The following DNAAF4 variants were observed in gnomAD, a reference collection of about 807,000 sequenced individuals.
The protein encoded by DNAAF4 is dynein axonemal assembly factor 4, also known as dynein assembly factor 4, axonemal.
A neutral mutation model predicts 51.8 loss-of-function variants in DNAAF4; 43 were observed. That is an observed-to-expected ratio of 0.83 (90% CI 0.65 to 1.07). DNAAF4 has a LOEUF of 1.07. Among genes scored for constraint, DNAAF4 ranks in the 50% least tolerant of loss-of-function variants. DNAAF4 has a pLI of 0.00. For missense variants in DNAAF4, 581 were observed against 493.0 expected (o/e 1.18, Z -1.69); for synonymous variants, 194 against 165.6 (o/e 1.17, Z -1.32).
At chr15:55,503,287 C>G (rs2058709294) in intron 1 of DNAAF4, among the ~76,000 whole-genome samples, 1 of 152,112 alleles carries the variant, frequency 6.6e-6, no homozygotes. Context: ...TAATTAATAA[C>G]CTACCAACCA....
intron 7 of DNAAF4, among the ~76,000 whole-genome samples, chr15:55,435,790 T>G (rs1380207131): frequency 1.3e-5 from 2 of 149,754 alleles, no homozygotes; most frequent in Non-Finnish European, 1.5e-5. Flanking sequence ...TGCTTTTTTT[T>G]GTTTGTTTGT....
intron 4 of DNAAF4, among the ~76,000 whole-genome samples, chr15:55,483,901 A>G (rs1358817242): frequency 1.5e-5 from 2 of 135,550 alleles, no homozygotes; most frequent in Admixed American, 8.4e-5. Context: ...ATAATGGGAG[A>G]AGAGAGGAAA....
At chr15:55,490,146 T>C (rs2058550990) in intron 4 of DNAAF4, among the ~76,000 whole-genome samples, 2 of 152,132 alleles carry the variant, frequency 1.3e-5, no homozygotes, top group African/African-American at 4.8e-5. Context: ...GTGCTGGGAT[T>C]ACAGGCATGA....
At chr15:55,484,002 T>G (rs1447989753) in intron 4 of DNAAF4, among the ~76,000 whole-genome samples, 1 of 151,596 alleles carries the variant, frequency 6.6e-6, no homozygotes, top group Non-Finnish European at 1.5e-5. Flanking sequence ...TAGTTCAAAT[T>G]AAAATGGCAC....
chr15:55,473,305 ATGTGTG>A (rs1224503879), intron 4 of DNAAF4, among the ~76,000 whole-genome samples: 2,042 of 141,188 alleles, frequency 0.014, 51 homozygotes, highest in African/African-American at 0.018. Flanking sequence ...GTGTATATAT[ATGTGTG>A]TATATATGTG....
At chr15:55,492,369 A>G (rs896187883) in intron 3 of DNAAF4, among the ~76,000 whole-genome samples, 3 of 151,982 alleles carry the variant, frequency 2.0e-5, no homozygotes, top group East Asian at 1.9e-4. Flanking sequence ...GGGATGAATC[A>G]TACCCCAGGC....
At chr15:55,469,040 G>A (rs2058209799) in intron 4 of DNAAF4, among the ~76,000 whole-genome samples, 1 of 152,142 alleles carries the variant, frequency 6.6e-6, no homozygotes, top group Admixed American at 6.5e-5. Flanking sequence ...GAAAAACAGA[G>A]TGTACAGTGA....
chr15:55,454,841 G>T (rs1379807631), intron 5 of DNAAF4, among the ~76,000 whole-genome samples: 1 of 151,140 alleles, frequency 6.6e-6, no homozygotes, highest in Non-Finnish European at 1.5e-5. Flanking sequence ...CCAAGGGAAA[G>T]AATTTTAAAA....
At chr15:55,493,693 A>G (rs989469386) in intron 3 of DNAAF4, among the ~76,000 whole-genome samples, 3 of 152,168 alleles carry the variant, frequency 2.0e-5, no homozygotes, top group Admixed American at 6.6e-5. Context: ...CTGAATTGCA[A>G]GTAAAATTGA....
chr15:55,453,782 C>G (rs1480770280), intron 5 of DNAAF4, among the ~76,000 whole-genome samples: 3 of 151,538 alleles, frequency 2.0e-5, no homozygotes, highest in Non-Finnish European at 4.4e-5. Context: ...CATCTCCTGA[C>G]CTCGTGATCC....
chr15:55,445,178 G>C (rs1019253497), intron 6 of DNAAF4, among the ~76,000 whole-genome samples: 2 of 151,826 alleles, frequency 1.3e-5, no homozygotes, highest in Non-Finnish European at 2.9e-5. Context: ...CCTAGGCAGA[G>C]GTCCCTGCAG....
downstream of DNAAF4, among the ~76,000 whole-genome samples, chr15:55,428,233 C>A (rs557267974): frequency 4.3e-4 from 65 of 152,288 alleles, no homozygotes; most frequent in African/African-American, 1.4e-3. Flanking sequence ...GGATTATGGG[C>A]ATGAGCCACC....
chr15:55,429,546 C>T (rs1170627090), downstream of DNAAF4, among the ~76,000 whole-genome samples: 14 of 145,802 alleles, frequency 9.6e-5, 1 homozygote, highest in South Asian at 1.8e-3. Context: ...AGGCTGGGCG[C>T]GGTGGCTCAC....
chr15:55,489,990 C>T (rs1185484445), intron 4 of DNAAF4, among the ~76,000 whole-genome samples: 1 of 151,564 alleles, frequency 6.6e-6, no homozygotes, highest in African/African-American at 2.4e-5. Flanking sequence ...TTTCCTGCCT[C>T]AGCCTACCGA....
intron 5 of DNAAF4, among the ~76,000 whole-genome samples, chr15:55,465,996 C>G (rs2058166532): frequency 6.6e-6 from 1 of 152,148 alleles, no homozygotes; most frequent in African/African-American, 2.4e-5. Context: ...GCAGTGTACA[C>G]TGCTTGGTTG....
At chr15:55,460,487 T>C (rs1321887477) in intron 5 of DNAAF4, among the ~76,000 whole-genome samples, 1 of 151,994 alleles carries the variant, frequency 6.6e-6, no homozygotes, top group East Asian at 1.9e-4. Flanking sequence ...GCCGGAATTC[T>C]CAAATTTATA....
intron 6 of DNAAF4, chr15:55,443,365 G>GA: frequency 1.4e-6 from 1 of 709,658 alleles, no homozygotes; most frequent in Non-Finnish European, 2.3e-6. Context: ...CATGGCTCAG[G>GA]GCCGTGCAGG....
chr15:55,476,052 C>T (rs564091526), intron 4 of DNAAF4, among the ~76,000 whole-genome samples: 1 of 152,198 alleles, frequency 6.6e-6, no homozygotes, highest in African/African-American at 2.4e-5. Context: ...AACTATAAAC[C>T]ACAAATTCTA....
At chr15:55,448,594 G>A (rs1266779882) in intron 6 of DNAAF4, among the ~76,000 whole-genome samples, 1 of 150,792 alleles carries the variant, frequency 6.6e-6, no homozygotes, top group Admixed American at 6.7e-5. Flanking sequence ...TATGGGCCGG[G>A]CGCAGTGGCT....
Sources: gnomAD v4.1 joint callset for allele counts (sites outside exome capture counted in the v4.1 genomes callset) on GRCh38, gnomAD v4.1.1 for gene constraint, MANE v1.5 for transcripts, NCBI Gene and HGNC (gene_info 2026-07-23, HGNC 2026-07-21) for gene names.